The following ATP4A variants were observed in gnomAD, a reference collection of about 807,000 sequenced individuals.
The protein encoded by ATP4A is ATPase H+/K+ transporting subunit alpha, also known as potassium-transporting ATPase alpha chain 1.
Under a neutral mutation model 112.1 loss-of-function variants are expected in ATP4A, and 73 were observed. The ratio of observed to expected loss-of-function variants is 0.65; its 90% CI spans 0.54 to 0.79. ATP4A has a LOEUF of 0.79. Ranked by LOEUF, ATP4A falls within the 30% of genes least tolerant of loss-of-function variation. The pLI is 0.00. For synonymous variants in ATP4A, 588 were observed against 588.9 expected (o/e 1.00, Z 0.02); for missense variants, 1,081 against 1,425.9 (o/e 0.76, Z 3.90).
At chr19:35,563,353 C>T (rs780552030) in intron 2 of ATP4A, 31 bp downstream of exon 2, 6 of 1,613,404 alleles carry the variant, frequency 3.7e-6, no homozygotes, top group South Asian at 1.1e-5. Flanking sequence ...GCCTACCCTC[C>T]AGCTCCCGCC....
rs1012448067 is a variant in ATP4A, at chr19:35,560,283, GC to G, written c.787+79del. The G allele has an allele frequency of 1.1e-5, 18 of 1,580,274 alleles. No homozygotes were observed. Among genetic ancestry groups the G allele is most frequent in the Non-Finnish European group, 1.5e-5 (17 of 1,161,404 alleles). On this transcript the variant is annotated intron_variant, in intron 6 of 21. Transcript: ENST00000262623. The surrounding 1 kb of genome is among the most constrained non-coding windows in gnomAD (Gnocchi z 5.1). The stretch of plus-strand genomic sequence containing the variant: ...GCAGGAGAGAGACAGGGAGGCTGAA[GC>G]CCCCTGTCCTAGAAGATAGCAGGAG...
chr19:35,560,506 C>T lies in ATP4A; in HGVS notation c.644G>A (p.Arg215His), dbSNP rs141192219. The change falls in exon 6 of 22, where the codon CGC becomes CAC. Residue 215 changes from arginine (R) to histidine (H), a missense_variant. Around this residue, in one of 3 missense-constraint regions of ATP4A, gnomAD observed 850 missense variants for 1,068.2 expected, o/e 0.80. Transcript: ENST00000262623. This position sits in a 1 kb window ranked among gnomAD's most constrained non-coding sequence, Gnocchi z 5.1. ...KGGDRVPADI[R>H]ILAAQGCKVD... ...CTTGCAGCCCTGGGCCGCCAGGATGCGGATGTCGGCGGGCACTCTGTCCCC... is the reference window on the plus strand; with the variant it reads ...CTTGCAGCCCTGGGCCGCCAGGATGTGGATGTCGGCGGGCACTCTGTCCCC... The T allele has an allele frequency of 4.9e-4, 796 of 1,613,474 alleles. 6 individuals carry two copies. Among genetic ancestry groups the T allele is most frequent in the Non-Finnish European group, 6.7e-5 (79 of 1,180,002 alleles).
rs1334800763 is a variant in ATP4A at position 35,559,547 on chromosome 19, C to T, written c.1056+258G>A. On this transcript the variant is annotated intron_variant, in intron 7 of 21. Coordinates refer to ENST00000262623, the MANE Select transcript of ATP4A (RefSeq NM_000704.3). This position sits in a 1 kb window ranked among gnomAD's most constrained non-coding sequence, Gnocchi z 4.1. ...GGAAGGTCTGGTGACATGCTGGCTG[C>T]CTGCACAGGACATCAGCCTCTTCCA... Among the ~76,000 whole-genome samples, 1 of 152,242 alleles carries T rather than the reference C, an allele frequency of 6.6e-6. No homozygotes were observed. Among genetic ancestry groups the T allele is most frequent in the Non-Finnish European group, 1.5e-5 (1 of 68,040 alleles).
chr19:35,555,323 C>T lies in ATP4A; in HGVS notation c.2169G>A (p.Val723=), dbSNP rs2071624367. 6.2e-7 allele frequency: 1 copy of T among 1,613,386 alleles called. No individual in the cohort carries two copies. Among genetic ancestry groups the T allele is most frequent in the African/African-American group, 1.3e-5 (1 of 74,920 alleles). ...CATTCACACCATCCCCCGTGACGGC[C>T]ACAATCGCACCCTGCAGGCAGTGGG... ...VESCQRLGAI[V]AVTGDGVNDS... is the part of the protein sequence containing the mutation. Residue 723 remains valine, a synonymous_variant, in exon 15 of 22, where the codon GTG becomes GTA. Transcript: ENST00000262623. This position sits in a 1 kb window ranked among gnomAD's most constrained non-coding sequence, Gnocchi z 6.6.
At chr19:35,554,630 A>T (rs2071619887) in intron 16 of ATP4A, among the ~76,000 whole-genome samples, 1 of 152,106 alleles carries the variant, frequency 6.6e-6, no homozygotes, top group African/African-American at 2.4e-5. Context: ...GTTTGGCCAG[A>T]TACCTGTTCT....
rs1385243864 is a variant in ATP4A at position 35,558,130 on chromosome 19, G to C, written c.1500+232C>G. ...GGCTGGGGGCGGATTTGGAGAGCGA[G>C]GTGCTCCCCATGGACAGTCCCGCCG... On this transcript the variant is annotated intron_variant, in intron 10 of 21. Transcript: ENST00000262623. The surrounding 1 kb of genome is among the most constrained non-coding windows in gnomAD (Gnocchi z 5.1). 1.7e-5 allele frequency: 11 copies of C among 645,002 alleles called. No homozygotes were observed. The highest frequency in any genetic ancestry group is 2.9e-5 in the Non-Finnish European group (11 of 381,542). The allele number at this position is 645,002 out of a possible 1,614,324, so 40.0% of individuals were successfully genotyped here. A position where few individuals can be genotyped will look rare whatever the true frequency, so the allele number is the denominator to read the frequency against.
Position 35,557,166 on chromosome 19 carries a change from C to T in ATP4A, c.1694-78G>A. On this transcript the variant is annotated intron_variant, in intron 11 of 21. Coordinates refer to ENST00000262623, the MANE Select transcript of ATP4A (RefSeq NM_000704.3). This position sits in a 1 kb window ranked among gnomAD's most constrained non-coding sequence, Gnocchi z 4.4. ...CAGGGCCAGGAAATGGGTAAAATAA[C>T]CAGGCCCCTTGCACCAAACACCTAT... 2.0e-6 allele frequency: 3 copies of T among 1,535,256 alleles called. No homozygotes were observed. The highest frequency in any genetic ancestry group is 2.7e-6 in the Non-Finnish European group (3 of 1,119,560).
intron 18 of ATP4A, among the ~76,000 whole-genome samples, chr19:35,552,306 C>T (rs2071606495): frequency 6.6e-6 from 1 of 151,900 alleles, no homozygotes. Context: ...CGCTGGGTAA[C>T]CCTAGGAGGT....
rs545848959 is a variant in ATP4A, at chr19:35,554,368, G to C, written c.2482-539C>G. On this transcript the variant is annotated intron_variant, in intron 16 of 21. Coordinates refer to ENST00000262623, the MANE Select transcript of ATP4A (RefSeq NM_000704.3). ...TGTCTATGCCTTGATGAGCTCATCA[G>C]TAAAGTACGGGTGATAGTAACAAAA... 5.9e-5 allele frequency among the ~76,000 whole-genome samples: 9 copies of C among 152,208 alleles called. No homozygotes were observed. The South Asian group carries it at 1.9e-3, about 32-fold the overall frequency.
At chr19:35,563,316 C>A (rs1373521765) in intron 2 of ATP4A, 48 bp from the exon 3 acceptor site, 1 of 1,613,550 alleles carries the variant, frequency 6.2e-7, no homozygotes, top group East Asian at 2.2e-5. Context: ...TCTCCTGGCC[C>A]CCTCCCCGCC....
chr19:35,554,790 T>C (rs1269157420), intron 16 of ATP4A, 132 bp downstream of exon 16: 2 of 1,306,322 alleles, frequency 1.5e-6, no homozygotes, highest in Non-Finnish European at 2.1e-6. Context: ...GCACTGGCTG[T>C]CATTGCACAC....
At chr19:35,553,972 A>T in intron 16 of ATP4A, 143 bp from the exon 17 acceptor site, 1 of 1,186,614 alleles carries the variant, frequency 8.4e-7, no homozygotes, top group Non-Finnish European at 1.1e-6. Context: ...CAGCCACACC[A>T]GCCTGGACAG....
chr19:35,552,299 T>G (rs967750277), intron 18 of ATP4A, among the ~76,000 whole-genome samples: 2 of 151,922 alleles, frequency 1.3e-5, no homozygotes, highest in African/African-American at 4.8e-5. Flanking sequence ...TTTAATCCGC[T>G]GGGTAACCCT....
chr19:35,560,663 G>GGGGGGGGGGGGGGGGGGGGGGC lies in ATP4A; in HGVS notation c.535-49_535-48insGCCCCCCCCCCCCCCCCCCCCC. ...TTGAGGTGGACGGGGGTGGGGGTGG[G>GGGGGGGGGGGGGGGGGGGGGGC]AGCTGCTGCATGTGGGGAGGTAAAG... is the stretch of plus-strand genomic sequence containing the variant. On this transcript the variant is annotated intron_variant, in intron 5 of 21. Coordinates refer to ENST00000262623, the MANE Select transcript of ATP4A (RefSeq NM_000704.3). The surrounding 1 kb of genome is among the most constrained non-coding windows in gnomAD (Gnocchi z 5.1). 1 of 883,948 alleles carries GGGGGGGGGGGGGGGGGGGGGGC rather than the reference G, an allele frequency of 1.1e-6. No individual in the cohort carries two copies. The highest frequency in any genetic ancestry group is 1.8e-6 in the Non-Finnish European group (1 of 561,714). The allele number at this position is 883,948 out of a possible 1,614,324, so 54.8% of individuals were successfully genotyped here.
intron 17 of ATP4A, among the ~76,000 whole-genome samples, chr19:35,553,496 T>C (rs1375207534): frequency 3.3e-5 from 5 of 151,950 alleles, no homozygotes; most frequent in African/African-American, 1.2e-4. Context: ...GACAGGGTCA[T>C]GGAGAGCAAG....
Position 35,557,876 on chromosome 19 carries a change from T to A in ATP4A, c.1501-29A>T. ...TGGGCGGGGGGGAGAGGCGAGGCTG[T>A]GGACGGGGGAACGGGGCGGGGCTGT... On this transcript the variant is annotated intron_variant, in intron 10 of 21. Transcript: ENST00000262623. This position sits in a 1 kb window ranked among gnomAD's most constrained non-coding sequence, Gnocchi z 4.4. 1 of 883,226 alleles carries A rather than the reference T, an allele frequency of 1.1e-6. No individual in the cohort carries two copies. The allele number at this position is 883,226 out of a possible 1,614,324, so 54.7% of individuals were successfully genotyped here.
chr19:35,558,126 G>A lies in ATP4A; in HGVS notation c.1500+236C>T. The A allele has an allele frequency of 1.6e-6, 1 of 640,314 alleles. No homozygotes were observed. Among genetic ancestry groups the A allele is most frequent in the Non-Finnish European group, 2.6e-6 (1 of 377,728 alleles). 39.7% of individuals were successfully genotyped at this position (640,314 alleles called of 1,614,324 possible). A position where few individuals can be genotyped will look rare whatever the true frequency, so the allele number is the denominator to read the frequency against. On this transcript the variant is annotated intron_variant, in intron 10 of 21. Transcript: ENST00000262623. This position sits in a 1 kb window ranked among gnomAD's most constrained non-coding sequence, Gnocchi z 5.1. The stretch of plus-strand genomic sequence containing the variant: ...GTTGGGCTGGGGGCGGATTTGGAGA[G>A]CGAGGTGCTCCCCATGGACAGTCCC...
intron 4 of ATP4A, 120 bp downstream of exon 4, chr19:35,562,315 A>C: frequency 8.2e-7 from 1 of 1,218,186 alleles, no homozygotes; most frequent in Admixed American, 2.4e-5. Context: ...CTGTCTTGAG[A>C]CTGCCTTTCG....
chr19:35,557,304 G>A lies in ATP4A; in HGVS notation c.1694-216C>T, dbSNP rs1323087026. Among the ~76,000 whole-genome samples the A allele has an allele frequency of 2.0e-5, 3 of 152,138 alleles. No homozygotes were observed. The highest frequency in any genetic ancestry group is 7.2e-5 in the African/African-American group (3 of 41,404). The stretch of plus-strand genomic sequence containing the variant: ...GATGAGGAAACTGAGGCTCAGAGAG[G>A]GGACATTTCTTGCCAGAGGTCACAC... On this transcript the variant is annotated intron_variant, in intron 11 of 21. Coordinates refer to ENST00000262623, the MANE Select transcript of ATP4A (RefSeq NM_000704.3). This position sits in a 1 kb window ranked among gnomAD's most constrained non-coding sequence, Gnocchi z 4.4.
Sources: gnomAD v4.1 joint callset for allele counts (sites outside exome capture counted in the v4.1 genomes callset) on GRCh38, gnomAD v4.1.1 for gene constraint, gnomAD v4.1.1 regional missense constraint, Gnocchi (gnomAD v3.1) non-coding constraint, MANE v1.5 for transcripts, NCBI Gene and HGNC (gene_info 2026-07-23, HGNC 2026-07-21) for gene names.